Variants in TAFA1 observed in about 807,000 individuals in gnomAD.
The protein encoded by TAFA1 is TAFA chemokine like family member 1.
In TAFA1, 4 loss-of-function variants were observed where a neutral mutation model predicts 18.5. The observed-to-expected ratio is 0.22, with a 90% confidence interval of 0.11 to 0.49. The LOEUF is 0.49. Among genes scored for constraint, TAFA1 ranks in the 20% least tolerant of loss-of-function variants. TAFA1 has a pLI of 0.98. For missense variants in TAFA1, 147 were observed against 169.0 expected (o/e 0.87, Z 0.72); for synonymous variants, 56 against 55.2 (o/e 1.01, Z -0.06).
At chr3:68,102,776 G>A (rs1429949923) in intron 2 of TAFA1, among the ~76,000 whole-genome samples, 2 of 152,150 alleles carry the variant, frequency 1.3e-5, no homozygotes, top group African/African-American at 4.8e-5. Context: ...GTTACAGTCT[G>A]TACCACCTTT....
At chr3:68,519,207 T>C (rs1393990938) in intron 3 of TAFA1, among the ~76,000 whole-genome samples, 1 of 152,180 alleles carries the variant, frequency 6.6e-6, no homozygotes, top group Non-Finnish European at 1.5e-5. Context: ...GGAATCCTCA[T>C]GAATGAAATT....
chr3:68,298,531 C>T (rs1466671911), intron 2 of TAFA1, among the ~76,000 whole-genome samples: 1 of 152,156 alleles, frequency 6.6e-6, no homozygotes, highest in Non-Finnish European at 1.5e-5. Context: ...TTAGCTGTGT[C>T]CCTACCCAAA....
intron 2 of TAFA1, among the ~76,000 whole-genome samples, chr3:68,326,926 G>T (rs1465813127): frequency 6.6e-6 from 1 of 152,156 alleles, no homozygotes; most frequent in Non-Finnish European, 1.5e-5. Context: ...TTGCTGAAAT[G>T]GTTTGGCTGT....
At chr3:68,520,651 A>G (rs914688283) in intron 3 of TAFA1, among the ~76,000 whole-genome samples, 1 of 152,206 alleles carries the variant, frequency 6.6e-6, no homozygotes, top group African/African-American at 2.4e-5. Context: ...ATGCTAGGAA[A>G]ATGACTAATT....
At chr3:68,164,228 G>A (rs2065956846) in intron 2 of TAFA1, among the ~76,000 whole-genome samples, 1 of 152,186 alleles carries the variant, frequency 6.6e-6, no homozygotes, top group South Asian at 2.1e-4. Context: ...AATTCACTCA[G>A]AGTAGAAACT....
chr3:68,486,578 A>G (rs1270208099), intron 3 of TAFA1, among the ~76,000 whole-genome samples: 1 of 152,324 alleles, frequency 6.6e-6, no homozygotes, highest in East Asian at 1.9e-4. Flanking sequence ...CCTCATATAT[A>G]AAATGAAGAT....
chr3:68,028,759 T>A (rs1283062976), intron 2 of TAFA1, among the ~76,000 whole-genome samples: 6 of 151,962 alleles, frequency 3.9e-5, no homozygotes, highest in Admixed American at 3.9e-4. Context: ...AAATTTTTTT[T>A]TTTATTTTTT....
intron 2 of TAFA1, among the ~76,000 whole-genome samples, chr3:68,268,875 C>T (rs2067603010): frequency 6.6e-6 from 1 of 152,166 alleles, no homozygotes; most frequent in African/African-American, 2.4e-5. Flanking sequence ...ACTCATTACA[C>T]TAAGCTGTCT....
At chr3:68,339,152 G>C (rs1316354811) in intron 2 of TAFA1, among the ~76,000 whole-genome samples, 1 of 152,172 alleles carries the variant, frequency 6.6e-6, no homozygotes, top group Non-Finnish European at 1.5e-5. Flanking sequence ...GAGCAGGGTA[G>C]GTATGTAAAG....
At chr3:68,232,854 T>C (rs1434666381) in intron 2 of TAFA1, among the ~76,000 whole-genome samples, 1 of 152,088 alleles carries the variant, frequency 6.6e-6, no homozygotes, top group Non-Finnish European at 1.5e-5. Flanking sequence ...TCCTCTCTGT[T>C]TGGTCCCTCA....
intron 2 of TAFA1, among the ~76,000 whole-genome samples, chr3:68,407,868 T>C (rs1164417234): frequency 6.6e-6 from 1 of 152,134 alleles, no homozygotes; most frequent in Non-Finnish European, 1.5e-5. Context: ...TTGTTTAATC[T>C]CAAGCATAAA....
chr3:68,103,700 C>T (rs945889809), intron 2 of TAFA1, among the ~76,000 whole-genome samples: 1 of 152,108 alleles, frequency 6.6e-6, no homozygotes, highest in Non-Finnish European at 1.5e-5. Flanking sequence ...ACCACCACCA[C>T]CATCATCATC....
chr3:68,453,469 G>C (rs961735204), intron 3 of TAFA1, among the ~76,000 whole-genome samples: 2 of 152,212 alleles, frequency 1.3e-5, no homozygotes, highest in South Asian at 4.1e-4. Context: ...GAGGAGGATG[G>C]CATATATATG....
At chr3:68,232,990 T>G (rs1249411988) in intron 2 of TAFA1, among the ~76,000 whole-genome samples, 2 of 152,208 alleles carry the variant, frequency 1.3e-5, no homozygotes, top group African/African-American at 4.8e-5. Flanking sequence ...ATGAGTTCCC[T>G]TTTCTCTGCA....
At chr3:68,168,072 G>A (rs532672935) in intron 2 of TAFA1, among the ~76,000 whole-genome samples, 1 of 146,916 alleles carries the variant, frequency 6.8e-6, no homozygotes, top group East Asian at 2.0e-4. Flanking sequence ...CATTTTTAGG[G>A]GCCACTGATA....
chr3:68,241,873 C>T (rs1026113942), intron 2 of TAFA1, among the ~76,000 whole-genome samples: 6 of 152,150 alleles, frequency 3.9e-5, no homozygotes, highest in African/African-American at 9.7e-5. Context: ...TAACAGAAAG[C>T]GCAGGGTGTG....
chr3:68,180,139 TG>T (rs2066178930), intron 2 of TAFA1, among the ~76,000 whole-genome samples: 1 of 151,560 alleles, frequency 6.6e-6, no homozygotes, highest in African/African-American at 2.4e-5. Flanking sequence ...GTAATTCTTC[TG>T]CCTTAGCCTC....
chr3:68,382,033 T>C (rs1452296269), intron 2 of TAFA1, among the ~76,000 whole-genome samples: 2 of 152,248 alleles, frequency 1.3e-5, no homozygotes, highest in Non-Finnish European at 2.9e-5. Flanking sequence ...TCTATTGAGA[T>C]AATCATGTGG....
chr3:68,191,166 T>A (rs1389299936), intron 2 of TAFA1, among the ~76,000 whole-genome samples: 2 of 151,878 alleles, frequency 1.3e-5, no homozygotes, highest in Admixed American at 1.3e-4. Context: ...TTTGTTTTGT[T>A]CTGTCTTTCC....
Sources: gnomAD v4.1 joint callset for allele counts (sites outside exome capture counted in the v4.1 genomes callset) on GRCh38, gnomAD v4.1.1 for gene constraint, MANE v1.5 for transcripts, NCBI Gene and HGNC (gene_info 2026-07-23, HGNC 2026-07-21) for gene names.